The following CLVS1 variants were observed in gnomAD, a reference collection of about 807,000 sequenced individuals.
CLVS1 encodes the protein clavesin-1.
In CLVS1, 10 loss-of-function variants were observed where a neutral mutation model predicts 33.1. That is an observed-to-expected ratio of 0.30 (90% CI 0.19 to 0.51). The LOEUF (loss-of-function observed/expected upper bound fraction) is 0.51, where lower values mean the gene tolerates loss of function less well. Ranked by LOEUF, CLVS1 falls within the 20% of genes least tolerant of loss-of-function variation. The pLI is 0.97. For synonymous variants in CLVS1, 163 were observed against 166.1 expected, an observed-to-expected ratio of 0.98 and a Z score of 0.14; for missense variants, 343 against 433.4, an observed-to-expected ratio of 0.79 and a Z score of 1.85.
At chr8:61,454,628 A>G (rs2129607040) in intron 4 of CLVS1, among the ~76,000 whole-genome samples, 1 of 152,384 alleles carries the variant, frequency 6.6e-6, no homozygotes. Flanking sequence ...GCTATGAAGA[A>G]TGATTACAAT....
At chr8:60,999,640 A>G in the CLVS1 span, among the ~76,000 whole-genome samples, 3 of 152,234 alleles carry the variant, frequency 2.0e-5, no homozygotes, top group South Asian at 6.2e-4. Context: ...TTGAATAAGT[A>G]AGCAGTATAA....
At chr8:61,118,050 T>C (rs1805769429) in intron 1 of CLVS1, among the ~76,000 whole-genome samples, 2 of 152,084 alleles carry the variant, frequency 1.3e-5, no homozygotes, top group African/African-American at 4.8e-5. Flanking sequence ...CAATTTCAGA[T>C]CCTGTTATTG....
chr8:60,978,032 C>A, the CLVS1 span, among the ~76,000 whole-genome samples: 1 of 152,130 alleles, frequency 6.6e-6, no homozygotes, highest in Non-Finnish European at 1.5e-5. Flanking sequence ...AACTGGAAAC[C>A]AAGAATTGTA....
At position 61,251,083 on chromosome 8, in the gene CLVS1, C is replaced by T. The variant is rs191824909; in HGVS notation, c.-151-48594C>T. The stretch of plus-strand genomic sequence containing the variant: ...AAATAACTCTTATTATTTTCAGATA[C>T]GTTCCATTGATACCTAGTTTATTGA... On this transcript the variant is annotated intron_variant, in intron 2 of 2. Coordinates refer to the CLVS1 transcript ENST00000522621. Among the ~76,000 whole-genome samples, 686 of 152,150 alleles carry T rather than the reference C, an allele frequency of 4.5e-3. 16 individuals are homozygous for T. Among genetic ancestry groups the T allele is most frequent in the Admixed American group, 0.041 (622 of 15,282 alleles).
intron 2 of CLVS1, among the ~76,000 whole-genome samples, chr8:61,278,770 TG>T (rs1475807489): frequency 1.4e-4 from 21 of 152,342 alleles, no homozygotes; most frequent in African/African-American, 5.0e-4. Flanking sequence ...AATGACTCAG[TG>T]GGTCTCCCTC....
intron 2 of CLVS1, among the ~76,000 whole-genome samples, chr8:61,180,774 G>GATAA (rs1452024193): frequency 6.6e-6 from 1 of 152,142 alleles, no homozygotes; most frequent in Admixed American, 6.5e-5. Flanking sequence ...AAAGGCCTTT[G>GATAA]ATAAAATTCA....
the CLVS1 span, among the ~76,000 whole-genome samples, chr8:61,024,624 C>G: frequency 7.2e-5 from 11 of 152,148 alleles, no homozygotes; most frequent in South Asian, 4.2e-4. Context: ...TCTCTCCCCC[C>G]AGTCAAGTGT....
intron 2 of CLVS1, among the ~76,000 whole-genome samples, chr8:61,231,438 T>G (rs1808431312): frequency 6.6e-6 from 1 of 152,192 alleles, no homozygotes; most frequent in African/African-American, 2.4e-5. Flanking sequence ...TTTCTGAGTG[T>G]CAGGGTAGGT....
chr8:61,232,434 G>A lies in CLVS1; in HGVS notation c.-151-67243G>A, dbSNP rs116831076. Among the ~76,000 whole-genome samples the A allele has an allele frequency of 1.0e-2, 1,518 of 152,174 alleles. 32 individuals carry two copies. Among genetic ancestry groups the A allele is most frequent in the African/African-American group, 0.034 (1,406 of 41,468 alleles). ...GTTTCTTATTTGGGAGGCCACGTTT[G>A]GGACTTTTGTGAATATGGAAAGTTT... is the stretch of plus-strand genomic sequence containing the variant. On this transcript the variant is annotated intron_variant, in intron 2 of 2. Coordinates refer to the CLVS1 transcript ENST00000522621.
At chr8:61,099,117 A>C (rs1394920017) in intron 1 of CLVS1, among the ~76,000 whole-genome samples, 1 of 152,210 alleles carries the variant, frequency 6.6e-6, no homozygotes, top group African/African-American at 2.4e-5. Context: ...ATAACTGAGA[A>C]GAGCTAACAT....
chr8:61,171,340 A>G (rs1328798685), intron 2 of CLVS1, among the ~76,000 whole-genome samples: 1 of 152,186 alleles, frequency 6.6e-6, no homozygotes, highest in Non-Finnish European at 1.5e-5. Context: ...GAGGAGGGCC[A>G]ATTTAAGTGG....
At chr8:61,462,824 T>G (rs1817415054) in intron 5 of CLVS1, among the ~76,000 whole-genome samples, 1 of 152,136 alleles carries the variant, frequency 6.6e-6, no homozygotes, top group Admixed American at 6.6e-5. Flanking sequence ...CTAGGATGTT[T>G]AGAATGGTAA....
At chr8:61,299,637 C>T in intron 1 of CLVS1, 40 bp from the exon 2 acceptor site, 2 of 557,068 alleles carry the variant, frequency 3.6e-6, no homozygotes, top group South Asian at 5.2e-5. Context: ...TTCTTTGTAT[C>T]ATCTCTCTTC....
chr8:61,088,278 C>T (rs188237936), intron 1 of CLVS1, among the ~76,000 whole-genome samples: 1 of 152,226 alleles, frequency 6.6e-6, no homozygotes, highest in Non-Finnish European at 1.5e-5. Flanking sequence ...CACTTGAGGT[C>T]AGGAGTTCGA....
intron 2 of CLVS1, among the ~76,000 whole-genome samples, chr8:61,193,752 T>A (rs1216357426): frequency 6.6e-6 from 1 of 151,562 alleles, no homozygotes; most frequent in African/African-American, 2.4e-5. Context: ...TTCTACAAGA[T>A]ACACCCAAGC....
chr8:61,112,744 T>C (rs1056939358), intron 1 of CLVS1, among the ~76,000 whole-genome samples: 1 of 152,092 alleles, frequency 6.6e-6, no homozygotes, highest in Non-Finnish European at 1.5e-5. Flanking sequence ...AGCTTCAGGA[T>C]TGGGTTTGGG....
chr8:61,033,336 G>C, the CLVS1 span, among the ~76,000 whole-genome samples: 4,190 of 47,472 alleles, frequency 0.088, 1,123 homozygotes, highest in African/African-American at 0.2. Context: ...CCCTCCTCCT[G>C]GGGTAGCAGG....
chr8:61,421,302 C>T (rs909484887), intron 3 of CLVS1, among the ~76,000 whole-genome samples: 1 of 152,158 alleles, frequency 6.6e-6, no homozygotes, highest in Admixed American at 6.5e-5. Flanking sequence ...CATGGTGCAG[C>T]AAAGTGGGCC....
the CLVS1 span, among the ~76,000 whole-genome samples, chr8:61,000,966 C>T: frequency 6.6e-6 from 1 of 152,130 alleles, no homozygotes; most frequent in Non-Finnish European, 1.5e-5. Flanking sequence ...CTGGTGCAGC[C>T]ATTAAAAACA....
Sources: allele counts gnomAD v4.1 joint callset (sites outside exome capture counted in the v4.1 genomes callset), GRCh38; gene constraint gnomAD v4.1.1; transcripts MANE v1.5; gene names NCBI Gene and HGNC (gene_info 2026-07-23, HGNC 2026-07-21).